Variants in ZNF280D observed in about 807,000 individuals in gnomAD.
ZNF280D encodes suppressor of hairy wing homolog 4.
ZNF280D carries 39 observed loss-of-function variants against 94.7 expected under a neutral mutation model. The observed-to-expected ratio is 0.41, with a 90% CI of 0.32 to 0.54. The LOEUF (loss-of-function observed/expected upper bound fraction) is 0.54. Among genes scored for constraint, ZNF280D ranks in the 20% least tolerant of loss-of-function variants. The pLI, the probability that ZNF280D is intolerant of heterozygous loss-of-function variation, is 0.22. For synonymous variants in ZNF280D, 398 were observed against 377.6 expected, an observed-to-expected ratio of 1.05 and a Z score of -0.63; for missense variants, 1,090 against 1,149.3, an observed-to-expected ratio of 0.95 and a Z score of 0.75.
chr15:56,671,537 A>G (rs2054864360), intron 13 of ZNF280D, among the ~76,000 whole-genome samples: 1 of 151,802 alleles, frequency 6.6e-6, no homozygotes, highest in South Asian at 2.1e-4. Context: ...TGTTCTATGC[A>G]TCTGTTCTTG....
chr15:56,682,150 A>G lies in ZNF280D; in HGVS notation c.1004+104T>C, dbSNP rs1304976703. On this transcript the variant is annotated intron_variant, in intron 10 of 21. Coordinates refer to ENST00000267807, the MANE Select transcript of ZNF280D (RefSeq NM_017661.4). ...CCTTTATTCTCAGTAGAAAGTGTTA[A>G]AATCACTTACCTAGAATGGCATAGA... 6 of 811,016 alleles carry G rather than the reference A, an allele frequency of 7.4e-6. No individual in the cohort carries two copies. The East Asian group carries it at 1.5e-4, about 20-fold the overall frequency. The allele number at this position is 811,016 out of a possible 1,614,324, so 50.2% of individuals were successfully genotyped here.
At chr15:56,718,365 T>C (rs2058156848) in intron 1 of ZNF280D, among the ~76,000 whole-genome samples, 2 of 152,208 alleles carry the variant, frequency 1.3e-5, no homozygotes, top group Admixed American at 1.3e-4. Context: ...TTAATAAAGA[T>C]GTTTGAGGGC....
chr15:56,669,888 T>TATATATATATAATATATATATATTATATA (rs371784062), intron 13 of ZNF280D, among the ~76,000 whole-genome samples: 1 of 4,768 alleles, frequency 2.1e-4, no homozygotes, highest in Non-Finnish European at 4.7e-4. Context: ...TATATATATA[T>TATATATATATAATATATATATATTATATA]TATATATATA....
At chr15:56,717,634 A>T (rs370304816) in intron 1 of ZNF280D, among the ~76,000 whole-genome samples, 1 of 152,116 alleles carries the variant, frequency 6.6e-6, no homozygotes, top group East Asian at 1.9e-4. Flanking sequence ...GCTAACATTA[A>T]ATGCATATAT....
At chr15:56,633,319 AC>A (rs1357185281) in intron 21 of ZNF280D, among the ~76,000 whole-genome samples, 1 of 152,130 alleles carries the variant, frequency 6.6e-6, no homozygotes, top group African/African-American at 2.4e-5. Context: ...AACCAGTAGC[AC>A]CCAGTTTTAA....
At chr15:56,693,603 G>A (rs1224102242) in intron 6 of ZNF280D, among the ~76,000 whole-genome samples, 1 of 151,676 alleles carries the variant, frequency 6.6e-6, no homozygotes, top group African/African-American at 2.4e-5. Context: ...TAAAGATTCA[G>A]TATCCCCATT....
chr15:56,650,404 C>A (rs1164577890), intron 19 of ZNF280D, among the ~76,000 whole-genome samples: 1 of 152,074 alleles, frequency 6.6e-6, no homozygotes. Flanking sequence ...CTCGATTTCA[C>A]AGAAAAAGAA....
intron 20 of ZNF280D, among the ~76,000 whole-genome samples, chr15:56,641,009 C>T (rs1409711587): frequency 1.3e-5 from 2 of 151,968 alleles, no homozygotes; most frequent in African/African-American, 2.4e-5. Flanking sequence ...AATCTGAAAA[C>T]ATTTCACTGA....
intron 1 of ZNF280D, chr15:56,729,876 C>T (rs1338354198): frequency 2.0e-5 from 3 of 152,094 alleles, no homozygotes; most frequent in African/African-American, 4.8e-5. Flanking sequence ...TTATGCAAAG[C>T]GTTCAAATGT....
At chr15:56,678,256 C>T (rs2055379844) in intron 11 of ZNF280D, among the ~76,000 whole-genome samples, 5 of 152,308 alleles carry the variant, frequency 3.3e-5, no homozygotes, top group Middle Eastern at 6.8e-3. Flanking sequence ...GATCTGCCCA[C>T]ATTGGCCTCC....
chr15:56,669,895 T>TAAA (rs1566959859), intron 13 of ZNF280D, among the ~76,000 whole-genome samples: 2 of 11,258 alleles, frequency 1.8e-4, no homozygotes, highest in Admixed American at 1.1e-3. Flanking sequence ...ATATTATATA[T>TAAA]ATATATAATA....
At chr15:56,669,834 T>A (rs2054552356) in intron 13 of ZNF280D, among the ~76,000 whole-genome samples, 1 of 84,766 alleles carries the variant, frequency 1.2e-5, no homozygotes, top group Non-Finnish European at 2.3e-5. Flanking sequence ...GATTATCAAC[T>A]GCAATTTTTA....
At chr15:56,654,326 G>A in intron 18 of ZNF280D, 59 bp downstream of exon 18, 3 of 1,595,604 alleles carry the variant, frequency 1.9e-6, no homozygotes, top group Non-Finnish European at 2.6e-6. Context: ...TATTGTGGAT[G>A]ACCAAAAATA....
At chr15:56,718,837 A>G (rs2058186230) in intron 1 of ZNF280D, among the ~76,000 whole-genome samples, 1 of 152,148 alleles carries the variant, frequency 6.6e-6, no homozygotes, top group Non-Finnish European at 1.5e-5. Context: ...AACCCTCCCA[A>G]TAGCCAAATC....
intron 19 of ZNF280D, chr15:56,645,347 T>C (rs1329193531): frequency 2.0e-5 from 3 of 152,176 alleles, no homozygotes; most frequent in South Asian, 2.1e-4. Flanking sequence ...AAAATTTCAA[T>C]GCAAAGAGAA....
Position 56,632,029 on chromosome 15 carries a change from T to C in ZNF280D, c.2409A>G (p.Ile803Met), listed in dbSNP as rs749291688. 1 of 1,613,722 alleles carries C rather than the reference T, an allele frequency of 6.2e-7. No homozygotes were observed. The highest frequency in any genetic ancestry group is 8.5e-7 in the Non-Finnish European group (1 of 1,179,870). The change falls in exon 22 of 22, where the codon ATA becomes ATG. Residue 803 changes from isoleucine (I) to methionine (M), a missense_variant. Ile to Met is a conservative substitution (Grantham distance 10). Around this residue, in one of 3 missense-constraint regions of ZNF280D, gnomAD observed 577 missense variants for 568.8 expected, o/e 1.01. Coordinates refer to ENST00000267807, the MANE Select transcript of ZNF280D (RefSeq NM_017661.4). ...GSSTTKSEES[I>M]TVSDKENETC... ...TTTCATTTTCCTTATCTGAAACTGTTATGCTTTCTTCACTTTTTGTTGTTG... is the reference window on the plus strand; with the variant it reads ...TTTCATTTTCCTTATCTGAAACTGTCATGCTTTCTTCACTTTTTGTTGTTG...
At chr15:56,690,847 T>G (rs1178980909) in intron 7 of ZNF280D, among the ~76,000 whole-genome samples, 1 of 152,174 alleles carries the variant, frequency 6.6e-6, no homozygotes, top group African/African-American at 2.4e-5. Flanking sequence ...GGTTTTAAAG[T>G]CAGATAAGTT....
chr15:56,675,484 C>A (rs2055161893), intron 13 of ZNF280D, among the ~76,000 whole-genome samples: 1 of 151,272 alleles, frequency 6.6e-6, no homozygotes, highest in African/African-American at 2.4e-5. Context: ...TGATCTATTC[C>A]AAGAATAAAT....
chr15:56,674,175 T>C (rs1288191452), intron 13 of ZNF280D, among the ~76,000 whole-genome samples: 3 of 152,132 alleles, frequency 2.0e-5, no homozygotes, highest in Admixed American at 2.0e-4. Context: ...AAAATGCATG[T>C]GAGTAGCATG....
Sources: allele counts gnomAD v4.1 joint callset (sites outside exome capture counted in the v4.1 genomes callset), GRCh38; gene constraint gnomAD v4.1.1; regional missense constraint gnomAD v4.1.1; transcripts MANE v1.5; gene names NCBI Gene and HGNC (gene_info 2026-07-23, HGNC 2026-07-21).